PCDH15: variants seen among roughly 807,000 people sequenced by gnomAD.
PCDH15 encodes the protein protocadherin-15.
A neutral mutation model predicts 178.5 loss-of-function variants in PCDH15; 129 were observed. The observed-to-expected ratio is 0.72, with a 90% confidence interval of 0.63 to 0.84. The LOEUF is 0.84. Ranked by LOEUF, PCDH15 falls within the 40% of genes least tolerant of loss-of-function variation. PCDH15 has a pLI of 0.00. For synonymous variants in PCDH15, 800 were observed against 732.0 expected, an observed-to-expected ratio of 1.09 and a Z score of -1.50; for missense variants, 2,230 against 2,099.9, an observed-to-expected ratio of 1.06 and a Z score of -1.21.
At chr10:55,483,860 T>G (rs1259399469) in intron 2 of PCDH15, among the ~76,000 whole-genome samples, 6 of 147,444 alleles carry the variant, frequency 4.1e-5, no homozygotes, top group Admixed American at 3.4e-4. Flanking sequence ...ATGCATATGA[T>G]CACTGCAGAA....
chr10:54,593,652 T>G (rs1194303792), intron 2 of PCDH15, among the ~76,000 whole-genome samples: 1 of 152,190 alleles, frequency 6.6e-6, no homozygotes. Flanking sequence ...CTATTTGCTA[T>G]TTGGAGTTTA....
At chr10:55,001,815 T>G (rs1420660128) in intron 2 of PCDH15, among the ~76,000 whole-genome samples, 1 of 151,974 alleles carries the variant, frequency 6.6e-6, no homozygotes, top group African/African-American at 2.4e-5. Context: ...GCCACAGAGG[T>G]TTCTGGCTGG....
At chr10:54,460,447 A>T (rs2077096209) in intron 3 of PCDH15, among the ~76,000 whole-genome samples, 1 of 152,088 alleles carries the variant, frequency 6.6e-6, no homozygotes, top group Non-Finnish European at 1.5e-5. Context: ...CATTTCAGAA[A>T]AAATATTTGG....
intron 2 of PCDH15, among the ~76,000 whole-genome samples, chr10:55,162,689 T>C (rs1173977684): frequency 3.3e-5 from 5 of 152,132 alleles, no homozygotes. Context: ...GCCTGAATAT[T>C]GCTAAGACTC....
At chr10:55,398,733 C>A (rs768480972) in intron 2 of PCDH15, among the ~76,000 whole-genome samples, 28 of 152,108 alleles carry the variant, frequency 1.8e-4, no homozygotes, top group Non-Finnish European at 3.7e-4. Context: ...CTATTTGTCT[C>A]ACACACTAAA....
At chr10:54,605,197 T>G (rs532320115) in intron 2 of PCDH15, among the ~76,000 whole-genome samples, 2 of 151,976 alleles carry the variant, frequency 1.3e-5, no homozygotes, top group Non-Finnish European at 2.9e-5. Flanking sequence ...TAATATAGTA[T>G]TTTTTATTTG....
intron 2 of PCDH15, among the ~76,000 whole-genome samples, chr10:54,554,612 C>T (rs2086969257): frequency 6.6e-6 from 1 of 152,044 alleles, no homozygotes; most frequent in African/African-American, 2.4e-5. Context: ...ACTTCCATCT[C>T]ATTATAAAAA....
intron 33 of PCDH15, among the ~76,000 whole-genome samples, chr10:53,819,565 T>C (rs2076182454): frequency 6.6e-6 from 1 of 152,056 alleles, no homozygotes; most frequent in African/African-American, 2.4e-5. Flanking sequence ...TTTTATATCA[T>C]GTATATGTAT....
At chr10:54,863,440 G>T (rs1446473934) in intron 3 of PCDH15, among the ~76,000 whole-genome samples, 2 of 152,156 alleles carry the variant, frequency 1.3e-5, no homozygotes, top group East Asian at 3.9e-4. Flanking sequence ...TACTCGGGAG[G>T]CTGAGGCAGG....
At chr10:54,309,172 T>C (rs561167542) in intron 8 of PCDH15, among the ~76,000 whole-genome samples, 15 of 152,138 alleles carry the variant, frequency 9.9e-5, no homozygotes, top group African/African-American at 3.1e-4. Flanking sequence ...TTATTAACAA[T>C]ATGCTGGGAC....
At chr10:54,612,996 G>GA (rs2093011767) in intron 2 of PCDH15, among the ~76,000 whole-genome samples, 1 of 151,704 alleles carries the variant, frequency 6.6e-6, no homozygotes, top group Non-Finnish European at 1.5e-5. Context: ...AAGAGGCATG[G>GA]CATAATTTTA....
intron 2 of PCDH15, among the ~76,000 whole-genome samples, chr10:55,472,041 C>G (rs1180002449): frequency 1.3e-5 from 2 of 152,188 alleles, no homozygotes; most frequent in African/African-American, 4.8e-5. Context: ...TAGGGTTTCT[C>G]AGAGTGTTCT....
In PCDH15 at chr10:55,257,649, G is replaced by C. The variant is rs1193477840; in HGVS notation, c.-156+61950C>G. ...TGATGGAAGATCAAATGAATGAAAT[G>C]AAGTGAGAAGAGAACTTTAGAGAAA... On this transcript the variant is annotated intron_variant, in intron 1 of 5. Transcript: ENST00000458638. Among the ~76,000 whole-genome samples the C allele has an allele frequency of 5.9e-5, 9 of 152,264 alleles. No individual in the cohort carries two copies. The South Asian group carries it at 1.7e-3, about 28-fold the overall frequency.
chr10:55,265,267 T>A (rs1842254983), intron 1 of PCDH15, among the ~76,000 whole-genome samples: 1 of 149,868 alleles, frequency 6.7e-6, no homozygotes, highest in South Asian at 2.1e-4. Context: ...CCATGATAGA[T>A]ACAGAGACGA....
intron 2 of PCDH15, among the ~76,000 whole-genome samples, chr10:55,363,825 A>G (rs548762535): frequency 4.1e-4 from 63 of 152,076 alleles, no homozygotes; most frequent in African/African-American, 1.4e-3. Flanking sequence ...TTTAGTAGAC[A>G]CGAGATTTCA....
chr10:53,917,615 A>C (rs1226428266), intron 25 of PCDH15, among the ~76,000 whole-genome samples: 2 of 152,166 alleles, frequency 1.3e-5, no homozygotes, highest in South Asian at 4.1e-4. Context: ...CACACACACA[A>C]CAGATATTAA....
intron 2 of PCDH15, chr10:54,600,637 A>C: frequency 1.7e-6 from 1 of 579,390 alleles, no homozygotes; most frequent in Non-Finnish European, 3.3e-6. Flanking sequence ...AAGGTAGAAA[A>C]TGTCACTTCA....
chr10:55,436,413 A>G (rs1204953339), intron 2 of PCDH15, among the ~76,000 whole-genome samples: 1 of 152,194 alleles, frequency 6.6e-6, no homozygotes, highest in East Asian at 1.9e-4. Context: ...GCTGTATTAT[A>G]AACATTTTAA....
intron 2 of PCDH15, among the ~76,000 whole-genome samples, chr10:55,526,069 C>T (rs1206391003): frequency 1.3e-5 from 2 of 151,782 alleles, no homozygotes; most frequent in East Asian, 1.9e-4. Flanking sequence ...AAATTATTTC[C>T]TTCTCAGATA....
Sources: allele counts gnomAD v4.1 joint callset (sites outside exome capture counted in the v4.1 genomes callset), GRCh38; gene constraint gnomAD v4.1.1; transcripts MANE v1.5; gene names NCBI Gene and HGNC (gene_info 2026-07-23, HGNC 2026-07-21).